TTYH3: variants seen among roughly 807,000 people sequenced by gnomAD.
TTYH3 encodes protein tweety homolog 3.
A neutral mutation model predicts 68.2 loss-of-function variants in TTYH3; 23 were observed. That is an observed-to-expected ratio of 0.34 (90% CI 0.24 to 0.48). The LOEUF (loss-of-function observed/expected upper bound fraction) is 0.48. TTYH3 is among the 20% of genes least tolerant of loss of function. The probability of loss-of-function intolerance (pLI) is 0.99; values close to 1 mark genes in which losing one functional copy is unlikely to be tolerated. For missense variants in TTYH3, 768 were observed against 727.7 expected (o/e 1.06, Z -0.64); for synonymous variants, 360 against 332.8 (o/e 1.08, Z -0.89).
At chr7:2,646,637 G>C (rs1245459410) in intron 1 of TTYH3, among the ~76,000 whole-genome samples, 1 of 152,214 alleles carries the variant, frequency 6.6e-6, no homozygotes, top group African/African-American at 2.4e-5. Flanking sequence ...GCGAGACCGG[G>C]GTCCCAGGTG....
At chr7:2,656,796 G>A (rs1378884065) in intron 11 of TTYH3, among the ~76,000 whole-genome samples, 9 of 152,232 alleles carry the variant, frequency 5.9e-5, no homozygotes, top group African/African-American at 1.9e-4. Flanking sequence ...ACAGTGGGGA[G>A]GACTGGGGTC....
intron 1 of TTYH3, among the ~76,000 whole-genome samples, chr7:2,634,867 G>GC (rs1562705312): frequency 6.6e-6 from 1 of 152,160 alleles, no homozygotes; most frequent in Admixed American, 6.5e-5. Flanking sequence ...CCCTCGTCCG[G>GC]CCCCCCGAGG....
intron 4 of TTYH3, 138 bp downstream of exon 4, chr7:2,647,776 T>C (rs1214490222): frequency 3.7e-6 from 4 of 1,091,218 alleles, no homozygotes; most frequent in Non-Finnish European, 5.3e-6. Flanking sequence ...TCACAGGCAG[T>C]GGCTGGAGTT....
intron 2 of TTYH3, 29 bp from the exon 3 acceptor site, chr7:2,647,113 G>GC: frequency 6.4e-7 from 1 of 1,570,216 alleles, no homozygotes; most frequent in Non-Finnish European, 8.6e-7. Flanking sequence ...GGTGGGCGGG[G>GC]CTACATCTCA....
chr7:2,657,415 G>T (rs202105404), intron 11 of TTYH3, among the ~76,000 whole-genome samples: 2 of 108,186 alleles, frequency 1.8e-5, no homozygotes, highest in Admixed American at 7.9e-5. Context: ...TGGTTGTGGT[G>T]GTGGTGATGG....
At chr7:2,644,446 C>T (rs1054599529) in intron 1 of TTYH3, among the ~76,000 whole-genome samples, 2 of 152,210 alleles carry the variant, frequency 1.3e-5, no homozygotes, top group Non-Finnish European at 2.9e-5. Flanking sequence ...CTGTCTCCGC[C>T]TCCCTGTGTG....
intron 1 of TTYH3, among the ~76,000 whole-genome samples, chr7:2,635,274 G>T (rs891860543): frequency 6.6e-6 from 1 of 152,196 alleles, no homozygotes; most frequent in Admixed American, 6.5e-5. Flanking sequence ...AGGGGCCCTT[G>T]AGGGCAGCAG....
chr7:2,639,560 A>G (rs1785774460), intron 1 of TTYH3, among the ~76,000 whole-genome samples: 1 of 152,220 alleles, frequency 6.6e-6, no homozygotes, highest in Non-Finnish European at 1.5e-5. Flanking sequence ...ACCCAGCGCA[A>G]GCTGCTGCTA....
chr7:2,638,967 C>T (rs1032024078), intron 1 of TTYH3, among the ~76,000 whole-genome samples: 1 of 152,122 alleles, frequency 6.6e-6, no homozygotes, highest in Non-Finnish European at 1.5e-5. Flanking sequence ...CCTGGCCTCC[C>T]CAAACAAGTC....
Position 2,661,810 on chromosome 7 carries a change from G to C in TTYH3, c.*71G>C. The stretch of plus-strand genomic sequence containing the variant: ...CGTGCCAGCACTGCCGCTTCCACCT[G>C]GGCCACCCACCGGACCCTCGCACGC... On this transcript the variant is annotated 3_prime_UTR_variant, in exon 14 of 14. Transcript: ENST00000258796. 5 of 1,511,104 alleles carry C rather than the reference G, an allele frequency of 3.3e-6. No homozygotes were observed. Among genetic ancestry groups the C allele is most frequent in the Non-Finnish European group, 4.5e-6 (5 of 1,116,564 alleles). The allele number at this position is 1,511,104 out of a possible 1,614,324, so 93.6% of individuals were successfully genotyped here.
In TTYH3 at chr7:2,661,884, C is replaced by A; in HGVS notation, c.*145C>A. 1 of 861,552 alleles carries A rather than the reference C, an allele frequency of 1.2e-6. No homozygotes were observed. The highest frequency in any genetic ancestry group is 1.8e-6 in the Non-Finnish European group (1 of 549,736). The allele number at this position is 861,552 out of a possible 1,614,324, so 53.4% of individuals were successfully genotyped here. A position where few individuals can be genotyped will look rare whatever the true frequency, so the allele number is the denominator to read the frequency against. ...GTCTGCAGGCCGCTTGCCCTCCTGT[C>A]CCCTCCCCGCAGGGGCACAGTGGAG... is the stretch of plus-strand genomic sequence containing the variant. On this transcript the variant is annotated 3_prime_UTR_variant, in exon 14 of 14. Coordinates refer to ENST00000258796, the MANE Select transcript of TTYH3 (RefSeq NM_025250.3).
intron 7 of TTYH3, among the ~76,000 whole-genome samples, chr7:2,651,067 C>T (rs1008743795): frequency 3.9e-5 from 6 of 152,010 alleles, no homozygotes; most frequent in African/African-American, 1.4e-4. Flanking sequence ...TTTCGGCCCC[C>T]TCGGGAGGTT....
At chr7:2,632,382 T>G in intron 1 of TTYH3, 104 bp downstream of exon 1, 1 of 1,192,552 alleles carries the variant, frequency 8.4e-7, no homozygotes, top group Non-Finnish European at 1.1e-6. Context: ...AGACCCCTCA[T>G]CCCCCCCTCC....
intron 13 of TTYH3, chr7:2,659,976 G>C (rs1211940077): frequency 4.6e-6 from 6 of 1,304,050 alleles, no homozygotes; most frequent in South Asian, 1.2e-5. Context: ...CAGCCACGCG[G>C]GCTGGCAGTT....
chr7:2,632,383 C>G, intron 1 of TTYH3, 105 bp downstream of exon 1: 1 of 1,206,118 alleles, frequency 8.3e-7, no homozygotes, highest in Non-Finnish European at 1.1e-6. Context: ...GACCCCTCAT[C>G]CCCCCCTCCA....
rs1264787664 is a variant in TTYH3 at position 2,664,001 on chromosome 7, C to CCCCAG, written c.*2262_*2263insCCCAG. 1 of 152,506 alleles carries CCCCAG rather than the reference C, an allele frequency of 6.6e-6. No individual in the cohort carries two copies. The highest frequency in any genetic ancestry group is 1.5e-5 in the Non-Finnish European group (1 of 68,108). The allele number at this position is 152,506 out of a possible 1,614,324, so 9.4% of individuals were successfully genotyped here. Reference sequence around the variant, plus strand: ...CCATCCCATGACCTCGCCACACCTACTGGGGCATCTGGCTGGTGCCTGCTG... The same window carrying CCCCAG: ...CCATCCCATGACCTCGCCACACCTACCCCAGTGGGGCATCTGGCTGGTGCCTGCTG... On this transcript the variant is annotated 3_prime_UTR_variant, in exon 14 of 14. Coordinates refer to ENST00000258796, the MANE Select transcript of TTYH3 (RefSeq NM_025250.3).
chr7:2,646,775 A>G (rs1562711924), intron 1 of TTYH3, 78 bp from the exon 2 acceptor site: 9 of 1,434,110 alleles, frequency 6.3e-6, no homozygotes, highest in Non-Finnish European at 8.4e-6. Flanking sequence ...AGTCTGCGCC[A>G]GGTCCCCTGC....
rs781607646 is a variant in TTYH3, at chr7:2,646,892, G to A, written c.163G>A (p.Ala55Thr). Residue 55 changes from alanine to threonine, a missense_variant, in exon 2 of 14, where the codon GCC (alanine) becomes ACC (threonine). Transcript: ENST00000258796. Reference protein sequence around the residue: ...LLGAAALACLALDLLFLLFYS... With the variant: ...LLGAAALACLTLDLLFLLFYS... ...GGGGGCCGCCGCCCTGGCCTGCCTC[G>A]CCCTGGACCTCCTCTTCCTGCTCTT... The A allele has an allele frequency of 1.1e-5, 18 of 1,598,220 alleles. No individual in the cohort carries two copies. In the South Asian group the frequency reaches 1.8e-4, roughly 16 times the overall value.
intron 11 of TTYH3, among the ~76,000 whole-genome samples, chr7:2,657,665 AC>A (rs1259269605): frequency 6.6e-6 from 1 of 152,212 alleles, no homozygotes; most frequent in Non-Finnish European, 1.5e-5. Context: ...GTAAGAGGAC[AC>A]AGCTGGAGTG....
Sources: gnomAD v4.1 joint callset for allele counts (sites outside exome capture counted in the v4.1 genomes callset) on GRCh38, gnomAD v4.1.1 for gene constraint, MANE v1.5 for transcripts, NCBI Gene and HGNC (gene_info 2026-07-23, HGNC 2026-07-21) for gene names.